CUTC: variants seen among roughly 807,000 people sequenced by gnomAD.
The protein encoded by CUTC is cutC copper transporter, also known as copper homeostasis protein cutC homolog.
In CUTC, 27 loss-of-function variants were observed where a neutral mutation model predicts 36.2. The observed-to-expected ratio is 0.75, with a 90% CI of 0.55 to 1.03. The LOEUF (loss-of-function observed/expected upper bound fraction) is 1.03. Among genes scored for constraint, CUTC ranks in the 50% least tolerant of loss-of-function variants. The pLI is 0.00. For synonymous variants in CUTC, 114 were observed against 118.3 expected (o/e 0.96, Z 0.24); for missense variants, 315 against 343.5 (o/e 0.92, Z 0.66).
intron 7 of CUTC, among the ~76,000 whole-genome samples, chr10:99,751,965 A>G (rs924294617): frequency 1.3e-5 from 2 of 152,202 alleles, no homozygotes; most frequent in African/African-American, 4.8e-5. Context: ...GTGCCTCTGT[A>G]TATCCTATAA....
intron 7 of CUTC, 30 bp downstream of exon 7, chr10:99,750,426 T>A (rs1301333912): frequency 9.5e-6 from 15 of 1,574,716 alleles, no homozygotes; most frequent in Non-Finnish European, 1.3e-5. Flanking sequence ...TTCACTAGCA[T>A]AACACTGAAC....
intron 7 of CUTC, among the ~76,000 whole-genome samples, chr10:99,751,955 G>A (rs563440064): frequency 1.7e-4 from 26 of 152,164 alleles, no homozygotes; most frequent in South Asian, 1.5e-3. Flanking sequence ...CTTGTTCCTC[G>A]TGCCTCTGTA....
Position 99,732,403 on chromosome 10 carries a change from AAG to A in CUTC, c.56_57del (p.Lys19SerfsTer14), listed in dbSNP as rs934179424. The A allele has an allele frequency of 4.8e-5, 74 of 1,551,652 alleles. No individual in the cohort carries two copies. The highest frequency in any genetic ancestry group is 6.4e-5 in the Non-Finnish European group (73 of 1,147,604). On this transcript the variant is annotated frameshift_variant, in exon 1 of 9. Coordinates refer to ENST00000370476, the MANE Select transcript of CUTC (RefSeq NM_015960.3). LOFTEE classifies it high-confidence loss of function. ...AAAACGAGCGCGGATACCGTCCGGG[AAG>A]GCCGGTGCGGAAGGTGGCGGGGGAG... ...ERKRARIPSG[K>X]AGAANGFLME...
intron 2 of CUTC, among the ~76,000 whole-genome samples, chr10:99,738,152 A>T (rs1183104785): frequency 6.6e-6 from 1 of 152,138 alleles, no homozygotes; most frequent in Non-Finnish European, 1.5e-5. Context: ...TCTCAAAAAA[A>T]AAAAAAATAA....
In CUTC at chr10:99,732,401, G is replaced by A. The variant is rs1312218675; in HGVS notation, c.53G>A (p.Gly18Glu). Residue 18 changes from glycine to glutamate, a missense_variant, in exon 1 of 9, where the codon GGG becomes GAG. Coordinates refer to ENST00000370476, the MANE Select transcript of CUTC (RefSeq NM_015960.3). The part of the protein sequence containing the change: ...SERKRARIPS[G>E]KAGAANGFLM... ...CGAAAACGAGCGCGGATACCGTCCG[G>A]GAAGGCCGGTGCGGAAGGTGGCGGG... 6.4e-7 allele frequency: 1 copy of A among 1,551,902 alleles called. No homozygotes were observed.
Position 99,752,570 on chromosome 10 carries a change from T to C in CUTC, c.602-1959T>C, listed in dbSNP as rs78592901. 2.0e-4 allele frequency among the ~76,000 whole-genome samples: 31 copies of C among 152,296 alleles called. No homozygotes were observed. The East Asian group carries it at 5.2e-3, about 26-fold the overall frequency. ...ATGCTTTTCCATTTAGCACTAAATA[T>C]ATATAGTTTTGACAAGTAATACTTA... On this transcript the variant is annotated intron_variant, in intron 7 of 8. Coordinates refer to ENST00000370476, the MANE Select transcript of CUTC (RefSeq NM_015960.3).
intron 6 of CUTC, among the ~76,000 whole-genome samples, chr10:99,750,137 G>T (rs1333833665): frequency 2.0e-5 from 3 of 151,886 alleles, no homozygotes; most frequent in Non-Finnish European, 2.9e-5. Flanking sequence ...GCACTTATTG[G>T]GGGGGAAAAT....
At position 99,744,461 on chromosome 10, in the gene CUTC, C is replaced by G. The variant is rs911201628; in HGVS notation, c.439+389C>G. On this transcript the variant is annotated intron_variant, in intron 5 of 8. Transcript: ENST00000370476. Reference sequence around the variant, plus strand: ...TGGCTGGTGAAATGAAAGGTACTGTCTATCTTAAGCCAGGCAAAACCATCC... The same window carrying G: ...TGGCTGGTGAAATGAAAGGTACTGTGTATCTTAAGCCAGGCAAAACCATCC... 5.3e-5 allele frequency among the ~76,000 whole-genome samples: 8 copies of G among 152,224 alleles called. No homozygotes were observed. In the East Asian group the frequency reaches 1.6e-3, roughly 30 times the overall value.
At chr10:99,738,389 G>GGTGTGTGTGTGTGT (rs10693937) in intron 2 of CUTC, among the ~76,000 whole-genome samples, 4 of 142,862 alleles carry the variant, frequency 2.8e-5, no homozygotes, top group East Asian at 4.1e-4. Context: ...ACTCATACAG[G>GGTGTGTGTGTGTGT]GTGTGTGTGT....
intron 6 of CUTC, 47 bp downstream of exon 6, chr10:99,747,437 C>T (rs377048422): frequency 1.5e-4 from 242 of 1,609,320 alleles, no homozygotes; most frequent in Non-Finnish European, 1.9e-4. Context: ...GTTGTGGTTA[C>T]TCCTGACATT....
Position 99,739,759 on chromosome 10 carries a change from A to C in CUTC, c.183A>C (p.Thr61=). ...LCSGLSEGGT[T]PSMGVLQVVK... ...CTGGTTTATCAGAGGGGGGAACTAC[A>C]CCCAGCATGGGTAAGTGTCCATTTT... Residue 61 remains threonine (T), a synonymous_variant, in exon 3 of 9, where the codon ACA becomes ACC. Coordinates refer to ENST00000370476, the MANE Select transcript of CUTC (RefSeq NM_015960.3). 1 of 1,610,324 alleles carries C rather than the reference A, an allele frequency of 6.2e-7. No homozygotes were observed. The highest frequency in any genetic ancestry group is 8.5e-7 in the Non-Finnish European group (1 of 1,178,636).
At chr10:99,734,478 C>T (rs2037277604) in intron 1 of CUTC, among the ~76,000 whole-genome samples, 1 of 150,664 alleles carries the variant, frequency 6.6e-6, no homozygotes, top group Non-Finnish European at 1.5e-5. Context: ...ATTATAAAAG[C>T]AATATTGGGT....
At chr10:99,745,841 A>G (rs941013862) in intron 5 of CUTC, among the ~76,000 whole-genome samples, 2 of 152,246 alleles carry the variant, frequency 1.3e-5, no homozygotes, top group Non-Finnish European at 2.9e-5. Flanking sequence ...TGGGCGACAG[A>G]GCAAGACTGC....
Position 99,755,755 on chromosome 10 carries a change from A to G in CUTC, c.*16A>G, listed in dbSNP as rs113394798. On this transcript the variant is annotated 3_prime_UTR_variant, in exon 9 of 9. Transcript: ENST00000370476. The stretch of plus-strand genomic sequence containing the variant: ...CCTGGTGTAGCCAGACCTCTCTGAG[A>G]GACATGGATATCACAGGATGAAGGT... 2.7e-6 allele frequency: 4 copies of G among 1,460,842 alleles called. No individual in the cohort carries two copies. The highest frequency in any genetic ancestry group is 3.8e-6 in the Non-Finnish European group (4 of 1,041,680). The allele number at this position is 1,460,842 out of a possible 1,614,324, so 90.5% of individuals were successfully genotyped here. A position where few individuals can be genotyped will look rare whatever the true frequency, so the allele number is the denominator to read the frequency against.
intron 7 of CUTC, among the ~76,000 whole-genome samples, chr10:99,754,296 T>G (rs2037439383): frequency 6.6e-6 from 1 of 152,186 alleles, no homozygotes; most frequent in Non-Finnish European, 1.5e-5. Context: ...AATGGACAGA[T>G]AAGATTCTAT....
chr10:99,743,481 A>T (rs2037355336), intron 4 of CUTC, 119 bp downstream of exon 4: 1 of 852,768 alleles, frequency 1.2e-6, no homozygotes, highest in Non-Finnish European at 1.9e-6. Flanking sequence ...ACTTATACTA[A>T]CCTAAGTATT....
intron 1 of CUTC, chr10:99,732,623 G>T (rs1323923299): frequency 4.2e-6 from 6 of 1,421,064 alleles, no homozygotes; most frequent in Admixed American, 3.1e-5. Flanking sequence ...TGGAGCCAAG[G>T]TTCGAGTCCC....
chr10:99,753,449 G>A (rs955276058), intron 7 of CUTC, among the ~76,000 whole-genome samples: 7 of 151,906 alleles, frequency 4.6e-5, no homozygotes, highest in African/African-American at 1.7e-4. Context: ...TCACTGTGTC[G>A]CCCAGGCTAT....
chr10:99,754,063 C>G (rs557562343), intron 7 of CUTC, among the ~76,000 whole-genome samples: 5 of 152,124 alleles, frequency 3.3e-5, no homozygotes, highest in Non-Finnish European at 5.9e-5. Context: ...AAGCTGATAT[C>G]GTAACTAATA....
Sources: gnomAD v4.1 joint callset for allele counts (sites outside exome capture counted in the v4.1 genomes callset) on GRCh38, gnomAD v4.1.1 for gene constraint, MANE v1.5 for transcripts, NCBI Gene and HGNC (gene_info 2026-07-23, HGNC 2026-07-21) for gene names.